Variants in ADARB2 observed in about 807,000 individuals in gnomAD.
ADARB2 encodes the protein inactive double-stranded RNA-specific editase B2.
In ADARB2, 25 loss-of-function variants were observed where a neutral mutation model predicts 62.2. The observed-to-expected ratio is 0.40, with a 90% CI of 0.29 to 0.56. The LOEUF (loss-of-function observed/expected upper bound fraction) is 0.56. ADARB2 is among the 20% of genes least tolerant of loss of function. ADARB2 has a pLI of 0.43. For missense variants in ADARB2, 1,071 were observed against 1,077.4 expected, an observed-to-expected ratio of 0.99 and a Z score of 0.08; for synonymous variants, 572 against 500.8, an observed-to-expected ratio of 1.14 and a Z score of -1.90.
intron 1 of ADARB2, among the ~76,000 whole-genome samples, chr10:1,636,172 G>C (rs1011432683): frequency 6.6e-6 from 1 of 152,122 alleles, no homozygotes; most frequent in Non-Finnish European, 1.5e-5. Context: ...AAGACATAAA[G>C]CAAGGCTGGG....
intron 3 of ADARB2, among the ~76,000 whole-genome samples, chr10:1,330,562 T>A (rs1350279804): frequency 6.6e-6 from 1 of 152,172 alleles, no homozygotes; most frequent in African/African-American, 2.4e-5. Context: ...AGAGCAGAAC[T>A]GGGGCAAAGA....
chr10:1,473,922 T>A (rs1831360094), intron 1 of ADARB2, among the ~76,000 whole-genome samples: 1 of 152,226 alleles, frequency 6.6e-6, no homozygotes, highest in Non-Finnish European at 1.5e-5. Flanking sequence ...GCGTGGCCGA[T>A]TACGGAGGAG....
chr10:1,372,933 C>T (rs1305289524), intron 2 of ADARB2, among the ~76,000 whole-genome samples: 1 of 151,980 alleles, frequency 6.6e-6, no homozygotes. Flanking sequence ...AGCATCTAAC[C>T]AAGGAGATGA....
intron 1 of ADARB2, among the ~76,000 whole-genome samples, chr10:1,424,634 A>G (rs1468184168): frequency 6.6e-6 from 1 of 152,034 alleles, no homozygotes; most frequent in Non-Finnish European, 1.5e-5. Context: ...ATGATGGTGC[A>G]TCAGGAGTTT....
chr10:1,730,114 G>T (rs942487598), intron 1 of ADARB2, among the ~76,000 whole-genome samples: 1 of 152,138 alleles, frequency 6.6e-6, no homozygotes, highest in African/African-American at 2.4e-5. Context: ...AGAGAAGTGG[G>T]TTTACAAATA....
At chr10:1,721,890 C>T (rs895938916) in intron 1 of ADARB2, among the ~76,000 whole-genome samples, 5 of 152,084 alleles carry the variant, frequency 3.3e-5, no homozygotes, top group Admixed American at 6.5e-5. Context: ...CGAAGTTCAG[C>T]GGCATGAGAG....
At chr10:1,190,927 A>G (rs971007154) in intron 8 of ADARB2, among the ~76,000 whole-genome samples, 1 of 152,240 alleles carries the variant, frequency 6.6e-6, no homozygotes, top group African/African-American at 2.4e-5. Context: ...GGACTGGTCT[A>G]AGGACGGAGT....
At chr10:1,383,193 A>G (rs1048278194) in intron 1 of ADARB2, among the ~76,000 whole-genome samples, 1 of 152,204 alleles carries the variant, frequency 6.6e-6, no homozygotes, top group African/African-American at 2.4e-5. Flanking sequence ...ACGTGCAGCC[A>G]TGAAGTGCAG....
At chr10:1,427,281 G>T (rs2131887983) in intron 1 of ADARB2, among the ~76,000 whole-genome samples, 1 of 152,164 alleles carries the variant, frequency 6.6e-6, no homozygotes, top group South Asian at 2.1e-4. Context: ...CTGTTAAGAG[G>T]GTATGAGAAG....
chr10:1,219,976 GTGATGGTGGTGA>G (rs1424976779), intron 6 of ADARB2, among the ~76,000 whole-genome samples: 5 of 127,392 alleles, frequency 3.9e-5, no homozygotes, highest in East Asian at 2.5e-4. Context: ...ATGGATGATG[GTGATGGTGGTGA>G]TGATGGTGAT....
chr10:1,635,826 C>A lies in ADARB2; in HGVS notation c.100+101225G>T, dbSNP rs568825923. Among the ~76,000 whole-genome samples the A allele has an allele frequency of 5.9e-5, 9 of 152,352 alleles. No individual in the cohort carries two copies. In the South Asian group the frequency reaches 1.2e-3, roughly 21 times the overall value. On this transcript the variant is annotated intron_variant, in intron 1 of 9. Transcript: ENST00000381312. The stretch of plus-strand genomic sequence containing the variant: ...TTGGCTATCTCTGGACACCTCCTCA[C>A]TCTATCCCTGGACAGTTGCTGGTGT...
intron 1 of ADARB2, among the ~76,000 whole-genome samples, chr10:1,509,288 A>G (rs1303023255): frequency 6.6e-6 from 1 of 152,170 alleles, no homozygotes; most frequent in Non-Finnish European, 1.5e-5. Flanking sequence ...AGATGATACC[A>G]TTACCAAGCT....
chr10:1,653,971 A>G (rs1834145480), intron 1 of ADARB2, among the ~76,000 whole-genome samples: 1 of 152,108 alleles, frequency 6.6e-6, no homozygotes, highest in Non-Finnish European at 1.5e-5. Context: ...GAATGAGCAT[A>G]AAATCGCAGG....
intron 1 of ADARB2, among the ~76,000 whole-genome samples, chr10:1,728,786 T>A (rs544327746): frequency 6.6e-6 from 1 of 152,310 alleles, no homozygotes; most frequent in Non-Finnish European, 1.5e-5. Flanking sequence ...TTCCTGAGAG[T>A]GAAACAGTAT....
At chr10:1,223,835 T>C (rs1483264792) in intron 6 of ADARB2, among the ~76,000 whole-genome samples, 1 of 152,360 alleles carries the variant, frequency 6.6e-6, no homozygotes, top group East Asian at 1.9e-4. Context: ...CCGTATTTTA[T>C]TGAGAATTTT....
intron 1 of ADARB2, among the ~76,000 whole-genome samples, chr10:1,558,928 A>T (rs1832751160): frequency 6.6e-6 from 1 of 152,216 alleles, no homozygotes; most frequent in African/African-American, 2.4e-5. Context: ...GTTCCATGAG[A>T]ACCAACAGTG....
At chr10:1,602,806 C>G (rs567707199) in intron 1 of ADARB2, among the ~76,000 whole-genome samples, 1 of 151,512 alleles carries the variant, frequency 6.6e-6, no homozygotes, top group Non-Finnish European at 1.5e-5. Flanking sequence ...TGCATACACA[C>G]CTGTACATCC....
intron 1 of ADARB2, among the ~76,000 whole-genome samples, chr10:1,732,678 C>T (rs1835248871): frequency 6.6e-6 from 1 of 152,234 alleles, no homozygotes; most frequent in African/African-American, 2.4e-5. Context: ...GGGGCTCCGG[C>T]CGGCGGTGCA....
chr10:1,183,071 G>A lies in ADARB2; in HGVS notation c.*122C>T, dbSNP rs904693007. ...GCTCGTCCAAACATTGCACACTCGC[G>A]TGTTTCTGGGACACCAAAGTAAAAC... On this transcript the variant is annotated 3_prime_UTR_variant, in exon 10 of 10. Transcript: ENST00000381312. The A allele has an allele frequency of 1.8e-5, 21 of 1,136,420 alleles. No individual in the cohort carries two copies. The African/African-American group carries it at 1.9e-4, about 10-fold the overall frequency. The allele number at this position is 1,136,420 out of a possible 1,614,324, so 70.4% of individuals were successfully genotyped here.
Sources: gnomAD v4.1 joint callset for allele counts (sites outside exome capture counted in the v4.1 genomes callset) on GRCh38, gnomAD v4.1.1 for gene constraint, MANE v1.5 for transcripts, NCBI Gene and HGNC (gene_info 2026-07-23, HGNC 2026-07-21) for gene names.